The following CCDC194 variants were observed in gnomAD, a reference collection of about 807,000 sequenced individuals.
The protein encoded by CCDC194 is coiled-coil domain containing 194.
Under a neutral mutation model 4.9 loss-of-function variants are expected in CCDC194, and 8 were observed. The observed-to-expected ratio is 1.65, with a 90% CI of 0.97 to 2.97. CCDC194 has a LOEUF of 2.97. CCDC194 is among the 30% of genes most tolerant of loss of function. CCDC194 has a pLI of 0.00. For synonymous variants in CCDC194, 13 were observed against 17.0 expected, an observed-to-expected ratio of 0.76 and a Z score of 0.58; for missense variants, 52 against 43.1, an observed-to-expected ratio of 1.21 and a Z score of -0.58.
In CCDC194 at chr19:17,390,590, T is replaced by G; in HGVS notation, c.624A>C (p.Arg208=). Reference sequence around the variant, plus strand: ...AGCGCGAGCGAGGGCTGGGCCGGGGTCGGGACCCCGAGCGGGGACGCGGCC... The same window carrying G: ...AGCGCGAGCGAGGGCTGGGCCGGGGGCGGGACCCCGAGCGGGGACGCGGCC... Residue 208 remains arginine, a synonymous_variant, in exon 4 of 4, where the codon CGA becomes CGC. Coordinates refer to ENST00000636079, the Ensembl canonical transcript of CCDC194. This position sits in a 1 kb window ranked among gnomAD's most constrained non-coding sequence, Gnocchi z 5.5. The G allele has an allele frequency of 2.5e-6, 1 of 396,918 alleles. No homozygotes were observed. Among genetic ancestry groups the G allele is most frequent in the Non-Finnish European group, 4.4e-6 (1 of 225,296 alleles). The allele number at this position is 396,918 out of a possible 1,614,324, so 24.6% of individuals were successfully genotyped here. A position where few individuals can be genotyped will look rare whatever the true frequency, so the allele number is the denominator to read the frequency against.
exon 1 of CCDC194, chr19:17,394,028 C>A: frequency 2.6e-6 from 1 of 389,600 alleles, no homozygotes; most frequent in South Asian, 1.3e-4. Flanking sequence ...GCGAGGTCCC[C>A]GAGCAGCCGA....
downstream of CCDC194, among the ~76,000 whole-genome samples, chr19:17,389,763 G>A (rs762001413): frequency 5.9e-5 from 9 of 152,116 alleles, no homozygotes; most frequent in Non-Finnish European, 1.0e-4. Context: ...TCAGGAGTTC[G>A]AGACCAGCCT....
At chr19:17,391,388 A>G (rs935542375) in intron 2 of CCDC194, 45 bp from the exon 3 acceptor site, 4 of 314,520 alleles carry the variant, frequency 1.3e-5, no homozygotes, top group African/African-American at 4.7e-5. Context: ...TCCCGCGCCC[A>G]CCCGCCCCAC....
downstream of CCDC194, chr19:17,390,485 G>T: frequency 2.6e-6 from 1 of 391,408 alleles, no homozygotes; most frequent in Non-Finnish European, 4.5e-6. This position sits in a 1 kb window ranked among gnomAD's most constrained non-coding sequence, Gnocchi z 5.5. Flanking sequence ...CCAGGCCGAC[G>T]CCCCCTTCCG....
chr19:17,389,693 C>T (rs1432592972), downstream of CCDC194, among the ~76,000 whole-genome samples: 1 of 152,090 alleles, frequency 6.6e-6, no homozygotes, highest in Non-Finnish European at 1.5e-5. Context: ...GGGCTGGGAG[C>T]GGTGGCTCAC....
downstream of CCDC194, among the ~76,000 whole-genome samples, chr19:17,389,943 C>T (rs977144151): frequency 6.6e-6 from 1 of 152,110 alleles, no homozygotes. Context: ...CCAGCCTGGG[C>T]GACAACAGCA....
chr19:17,394,007 G>A (rs952678823), exon 1 of CCDC194: 16 of 391,478 alleles, frequency 4.1e-5, no homozygotes, highest in African/African-American at 3.1e-4. Context: ...ATTGGCCCCT[G>A]GCTCCGGGCA....
At chr19:17,389,444 C>T (rs1348064109), downstream of CCDC194, among the ~76,000 whole-genome samples, 8 of 152,142 alleles carry the variant, frequency 5.3e-5, no homozygotes, top group Non-Finnish European at 1.0e-4. Flanking sequence ...AGATTCTCTT[C>T]CTTTTAGTTG....
At chr19:17,389,339 C>G (rs1007947081), downstream of CCDC194, among the ~76,000 whole-genome samples, 1 of 152,152 alleles carries the variant, frequency 6.6e-6, no homozygotes, top group Non-Finnish European at 1.5e-5. Context: ...AGAAAACCCA[C>G]TAATACATTC....
At chr19:17,387,393 C>T (rs1329876084), downstream of CCDC194, among the ~76,000 whole-genome samples, 2 of 151,750 alleles carry the variant, frequency 1.3e-5, no homozygotes, top group African/African-American at 4.8e-5. Flanking sequence ...GGATAAAAGT[C>T]CCCTCCCCAA....
intron 3 of CCDC194, among the ~76,000 whole-genome samples, 156 bp downstream of exon 3, chr19:17,391,055 A>G (rs1276647057): frequency 1.3e-5 from 2 of 149,720 alleles, no homozygotes; most frequent in Non-Finnish European, 3.0e-5. Flanking sequence ...CTTAGGTTCC[A>G]ATTCCAGGAT....
chr19:17,393,944 CGGCGCCGCAGGTCGTCGACCCCA>C lies in CCDC194; in HGVS notation c.192_214del (p.Gly65AlafsTer33), dbSNP rs2074664523. 1 of 396,624 alleles carries C rather than the reference CGGCGCCGCAGGTCGTCGACCCCA, an allele frequency of 2.5e-6. No individual in the cohort carries two copies. The highest frequency in any genetic ancestry group is 4.5e-6 in the Non-Finnish European group (1 of 224,710). The allele number at this position is 396,624 out of a possible 1,614,324, so 24.6% of individuals were successfully genotyped here. Reference sequence around the variant, plus strand: ...CTCCCGCTCGGCAGCCTCTGCCAGCCGGCGCCGCAGGTCGTCGACCCCAGGCGGCGGGTCCCCGGGCGGCGCCG... The same window carrying C: ...CTCCCGCTCGGCAGCCTCTGCCAGCCGGCGGCGGGTCCCCGGGCGGCGCCG... On this transcript the variant is annotated frameshift_variant, in exon 1 of 4. Coordinates refer to ENST00000636079, the Ensembl canonical transcript of CCDC194. LOFTEE classifies it high-confidence loss of function.
exon 1 of CCDC194, chr19:17,393,965 C>G (rs906518879): frequency 7.6e-6 from 3 of 394,844 alleles, no homozygotes; most frequent in Non-Finnish European, 8.9e-6. Context: ...GTCGTCGACC[C>G]CAGGCGGCGG....
chr19:17,389,685 G>C (rs1350669153), downstream of CCDC194, among the ~76,000 whole-genome samples: 1 of 152,212 alleles, frequency 6.6e-6, no homozygotes, highest in Non-Finnish European at 1.5e-5. Flanking sequence ...AAAAACATGG[G>C]CTGGGAGCGG....
intron 1 of CCDC194, among the ~76,000 whole-genome samples, chr19:17,393,446 T>G (rs2074662599): frequency 7.0e-6 from 1 of 143,108 alleles, no homozygotes; most frequent in African/African-American, 2.7e-5. Context: ...TGGAGTGCAG[T>G]GGCGCGGTCT....
downstream of CCDC194, among the ~76,000 whole-genome samples, chr19:17,388,511 C>G (rs1240037800): frequency 1.3e-5 from 2 of 151,276 alleles, no homozygotes; most frequent in Non-Finnish European, 2.9e-5. Flanking sequence ...GTGATCCTCC[C>G]ACCTCAGTCT....
At chr19:17,391,843 G>A in exon 2 of CCDC194, 1 of 1,522,662 alleles carries the variant, frequency 6.6e-7, no homozygotes, top group African/African-American at 1.4e-5. Flanking sequence ...GTCTGAAGCC[G>A]GCTCTGAGGA....
chr19:17,391,251 C>G (rs749727050), exon 3 of CCDC194: 1 of 406,238 alleles, frequency 2.5e-6, no homozygotes, highest in Non-Finnish European at 4.3e-6. Context: ...GCACAGGCTT[C>G]GCCCTCGGCC....
At chr19:17,388,038 C>T (rs555876054), downstream of CCDC194, among the ~76,000 whole-genome samples, 4 of 151,950 alleles carry the variant, frequency 2.6e-5, no homozygotes, top group East Asian at 7.9e-4. Flanking sequence ...AGATGCCCAC[C>T]ACCATGCCCG....
Sources: gnomAD v4.1 joint callset for allele counts (sites outside exome capture counted in the v4.1 genomes callset) on GRCh38, gnomAD v4.1.1 for gene constraint, Gnocchi (gnomAD v3.1) non-coding constraint, MANE v1.5 for transcripts, NCBI Gene and HGNC (gene_info 2026-07-23, HGNC 2026-07-21) for gene names.